The following GRB10 variants were observed in gnomAD, a reference collection of about 807,000 sequenced individuals.
GRB10 encodes growth factor receptor bound protein 10.
A neutral mutation model predicts 80.9 loss-of-function variants in GRB10; 20 were observed. That is an observed-to-expected ratio of 0.25 (90% CI 0.17 to 0.36). The LOEUF (loss-of-function observed/expected upper bound fraction) is 0.36, where lower values mean the gene tolerates loss of function less well. Ranked by LOEUF, GRB10 falls within the 10% of genes least tolerant of loss-of-function variation. The pLI, the probability that GRB10 is intolerant of heterozygous loss-of-function variation, is 1.00. For missense variants in GRB10, 548 were observed against 747.7 expected (o/e 0.73, Z 3.12); for synonymous variants, 291 against 291.5 (o/e 1.00, Z 0.02).
At chr7:50,731,852 C>A (rs1046280499) in intron 4 of GRB10, among the ~76,000 whole-genome samples, 2 of 152,200 alleles carry the variant, frequency 1.3e-5, no homozygotes, top group Non-Finnish European at 2.9e-5. Flanking sequence ...CACTCCCTCA[C>A]GCGTGAGCAC....
At chr7:50,721,416 A>G (rs2067717872) in intron 4 of GRB10, among the ~76,000 whole-genome samples, 1 of 152,214 alleles carries the variant, frequency 6.6e-6, no homozygotes, top group Non-Finnish European at 1.5e-5. Flanking sequence ...TCATCAGATC[A>G]ACTGCCGCGG....
chr7:50,732,551 G>T (rs2070009204), intron 3 of GRB10, among the ~76,000 whole-genome samples, 183 bp from the exon 4 acceptor site: 1 of 152,126 alleles, frequency 6.6e-6, no homozygotes, highest in Non-Finnish European at 1.5e-5. Flanking sequence ...CCCCAACTAT[G>T]GTGCCCTGAG....
chr7:50,641,898 C>A (rs370281546), intron 7 of GRB10, among the ~76,000 whole-genome samples: 1 of 152,184 alleles, frequency 6.6e-6, no homozygotes, highest in African/African-American at 2.4e-5. Context: ...GCCGAGGAGG[C>A]AAGGGCGTGG....
chr7:50,744,355 T>C (rs1414988064), intron 3 of GRB10, among the ~76,000 whole-genome samples: 2 of 152,110 alleles, frequency 1.3e-5, no homozygotes, highest in Non-Finnish European at 2.9e-5. Context: ...AATATTGGCA[T>C]GGAGAAGGAT....
At chr7:50,679,948 C>T (rs1415223239) in intron 5 of GRB10, among the ~76,000 whole-genome samples, 2 of 152,216 alleles carry the variant, frequency 1.3e-5, no homozygotes, top group Non-Finnish European at 2.9e-5. Flanking sequence ...GCTTTCTGAA[C>T]AACAATTTAT....
chr7:50,620,567 AACACATTT>A (rs1478089627), intron 8 of GRB10, among the ~76,000 whole-genome samples: 1 of 152,172 alleles, frequency 6.6e-6, no homozygotes, highest in Non-Finnish European at 1.5e-5. Context: ...CCTTGGTAAA[AACACATTT>A]AAAGCCAGAG....
chr7:50,634,922 C>G (rs972281163), intron 7 of GRB10, among the ~76,000 whole-genome samples: 2 of 152,204 alleles, frequency 1.3e-5, no homozygotes, highest in African/African-American at 4.8e-5. Flanking sequence ...AAGAGAATGA[C>G]AGCAATACCA....
At chr7:50,671,136 C>T (rs2060313009) in intron 6 of GRB10, among the ~76,000 whole-genome samples, 1 of 152,240 alleles carries the variant, frequency 6.6e-6, no homozygotes, top group Admixed American at 6.5e-5. Flanking sequence ...CCTGGACACA[C>T]AGCCTCCTCC....
At chr7:50,663,557 T>C (rs563635177) in intron 7 of GRB10, among the ~76,000 whole-genome samples, 1 of 152,296 alleles carries the variant, frequency 6.6e-6, no homozygotes, top group East Asian at 1.9e-4. Context: ...CCTATTTCTG[T>C]CAGAGCAGAA....
intron 3 of GRB10, among the ~76,000 whole-genome samples, chr7:50,748,235 C>T (rs2073360391): frequency 6.6e-6 from 1 of 152,202 alleles, no homozygotes; most frequent in Non-Finnish European, 1.5e-5. Context: ...GGTTTTCCTC[C>T]TCTCTGCCTA....
At chr7:50,595,595 ACT>A in intron 17 of GRB10, 65 bp from the exon 18 acceptor site, 10 of 763,010 alleles carry the variant, frequency 1.3e-5, no homozygotes, top group Admixed American at 9.0e-5. Context: ...ACACACACAC[ACT>A]CTCTTACACA....
chr7:50,614,992 C>T, intron 11 of GRB10, 112 bp from the exon 12 acceptor site: 1 of 742,988 alleles, frequency 1.3e-6, no homozygotes, highest in Non-Finnish European at 2.4e-6. Context: ...TCCCCGATGA[C>T]ACTATACATA....
intron 7 of GRB10, among the ~76,000 whole-genome samples, chr7:50,659,713 G>A (rs886595535): frequency 5.9e-5 from 9 of 152,210 alleles, no homozygotes; most frequent in South Asian, 2.1e-4. Context: ...TCACCTAGAG[G>A]AGCATATTAC....
intron 2 of GRB10, among the ~76,000 whole-genome samples, chr7:50,771,934 G>T (rs1249374082): frequency 2.6e-5 from 4 of 152,180 alleles, no homozygotes; most frequent in Non-Finnish European, 5.9e-5. Context: ...ATATTACAAA[G>T]GTAGAAAGTT....
At chr7:50,627,789 G>A (rs368856479) in intron 7 of GRB10, among the ~76,000 whole-genome samples, 59 of 152,358 alleles carry the variant, frequency 3.9e-4, no homozygotes, top group Middle Eastern at 3.4e-3. Context: ...AGCAGTCAGA[G>A]GAGCAAGATG....
chr7:50,694,254 G>A (rs1331752861), intron 5 of GRB10, among the ~76,000 whole-genome samples: 1 of 152,216 alleles, frequency 6.6e-6, no homozygotes, highest in African/African-American at 2.4e-5. Context: ...AACCTGGGAG[G>A]TGGAGGTTGC....
At chr7:50,729,030 G>A (rs1317561285) in intron 4 of GRB10, among the ~76,000 whole-genome samples, 2 of 152,146 alleles carry the variant, frequency 1.3e-5, no homozygotes, top group Non-Finnish European at 1.5e-5. Context: ...CACTAGAAGA[G>A]TAGGTTCCCC....
intron 8 of GRB10, 44 bp downstream of exon 8, chr7:50,626,778 C>T (rs776908714): frequency 3.7e-6 from 6 of 1,611,522 alleles, no homozygotes; most frequent in South Asian, 2.2e-5. Flanking sequence ...TTCAATTGCA[C>T]ATAAGCATCC....
At chr7:50,729,259 A>G (rs977419078) in intron 4 of GRB10, 3 of 152,214 alleles carry the variant, frequency 2.0e-5, no homozygotes, top group East Asian at 3.8e-4. Flanking sequence ...GAAAATAAAA[A>G]CATTGCTTTT....
Sources: allele counts gnomAD v4.1 joint callset (sites outside exome capture counted in the v4.1 genomes callset), GRCh38; gene constraint gnomAD v4.1.1; transcripts MANE v1.5; gene names NCBI Gene and HGNC (gene_info 2026-07-23, HGNC 2026-07-21).